RAD51B: variants seen among roughly 807,000 people sequenced by gnomAD.
RAD51B encodes RAD51 paralog B.
In RAD51B, 38 loss-of-function variants were observed where a neutral mutation model predicts 42.2. That is an observed-to-expected ratio of 0.90 (90% CI 0.70 to 1.18). The LOEUF (loss-of-function observed/expected upper bound fraction) is 1.18, where lower values mean the gene tolerates loss of function less well. Among genes scored for constraint, RAD51B ranks in the 50% most tolerant of loss-of-function variants. The pLI is 0.00. For missense variants in RAD51B, 373 were observed against 400.7 expected (o/e 0.93, Z 0.59); for synonymous variants, 154 against 145.2 (o/e 1.06, Z -0.43).
intron 11 of RAD51B, among the ~76,000 whole-genome samples, chr14:68,677,193 C>G (rs1485154825): frequency 4.6e-5 from 7 of 152,102 alleles, no homozygotes; most frequent in African/African-American, 1.7e-4. Context: ...TTTAAAATAT[C>G]AAGCAGAATG....
At chr14:68,388,699 C>CA (rs1405735315) in intron 8 of RAD51B, among the ~76,000 whole-genome samples, 1 of 152,164 alleles carries the variant, frequency 6.6e-6, no homozygotes, top group Non-Finnish European at 1.5e-5. Context: ...GGTGAGGATA[C>CA]AAAGTCCCTG....
intron 10 of RAD51B, chr14:68,468,566 T>C (rs1249529716): frequency 2.6e-6 from 1 of 384,782 alleles, no homozygotes; most frequent in Non-Finnish European, 5.0e-6. Flanking sequence ...TCCTATGGCA[T>C]GAAGTGGGCA....
At position 68,320,678 on chromosome 14, in the gene RAD51B, C is replaced by T. The variant is rs558213246; in HGVS notation, c.853+28698C>T. Among the ~76,000 whole-genome samples, 4 of 152,342 alleles carry T rather than the reference C, an allele frequency of 2.6e-5. No individual in the cohort carries two copies. In the East Asian group the frequency reaches 7.7e-4, roughly 29 times the overall value. On this transcript the variant is annotated intron_variant, in intron 8 of 10. Coordinates refer to ENST00000471583, the MANE Select transcript of RAD51B (RefSeq NM_133510.4). ...CAACACATATTCCTTCTGGCTCACT[C>T]CCTCTATAAAATGATTTGTCAGCAT...
In RAD51B at chr14:67,981,209, G is replaced by T. The variant is rs138212731; in HGVS notation, c.756+94005G>T. On this transcript the variant is annotated intron_variant, in intron 7 of 10. Coordinates refer to ENST00000471583, the MANE Select transcript of RAD51B (RefSeq NM_133510.4). ...TTGTTAGGGAAATGAAAAGTGTACT[G>T]CAATACCACATCAAATATTACTTCC... is the stretch of plus-strand genomic sequence containing the variant. Among the ~76,000 whole-genome samples, 446 of 152,122 alleles carry T rather than the reference G, an allele frequency of 2.9e-3. 4 individuals are homozygous for T. The highest frequency in any genetic ancestry group is 9.6e-3 in the African/African-American group (398 of 41,490).
chr14:68,612,528 T>C (rs1891717089), downstream of RAD51B, among the ~76,000 whole-genome samples: 1 of 152,166 alleles, frequency 6.6e-6, no homozygotes, highest in African/African-American at 2.4e-5. Flanking sequence ...GGACAAATAT[T>C]GTGTGATTCC....
At chr14:68,190,384 C>G (rs2079240660) in intron 7 of RAD51B, among the ~76,000 whole-genome samples, 1 of 152,046 alleles carries the variant, frequency 6.6e-6, no homozygotes. Context: ...TATATGGAAA[C>G]AGATTTTTAA....
chr14:68,544,867 T>A (rs1173696934), intron 10 of RAD51B, among the ~76,000 whole-genome samples: 2 of 152,180 alleles, frequency 1.3e-5, no homozygotes, highest in African/African-American at 4.8e-5. Context: ...CTTCCTCCCA[T>A]CCTGCCAAAG....
At chr14:68,262,610 G>T (rs2080912015) in intron 7 of RAD51B, among the ~76,000 whole-genome samples, 1 of 152,132 alleles carries the variant, frequency 6.6e-6, no homozygotes, top group East Asian at 1.9e-4. Context: ...ATCTCCCTGG[G>T]TTGGAATTTT....
intron 9 of RAD51B, among the ~76,000 whole-genome samples, chr14:68,416,521 A>G (rs138300422): frequency 2.0e-5 from 3 of 152,380 alleles, no homozygotes; most frequent in African/African-American, 7.2e-5. Context: ...CACTCCCTGT[A>G]GCTACTCGTG....
At chr14:67,876,294 T>C (rs1357878590) in intron 5 of RAD51B, among the ~76,000 whole-genome samples, 1 of 152,206 alleles carries the variant, frequency 6.6e-6, no homozygotes, top group Non-Finnish European at 1.5e-5. Context: ...ACTAAGATTT[T>C]GGAAAACTTT....
chr14:68,374,662 A>G (rs2083329481), intron 8 of RAD51B, among the ~76,000 whole-genome samples: 1 of 151,272 alleles, frequency 6.6e-6, no homozygotes, highest in Non-Finnish European at 1.5e-5. Context: ...AGAGATGGCA[A>G]TTTATCTTAA....
intron 10 of RAD51B, among the ~76,000 whole-genome samples, chr14:68,566,229 G>A (rs1013816693): frequency 1.3e-5 from 2 of 152,196 alleles, no homozygotes; most frequent in Non-Finnish European, 2.9e-5. Flanking sequence ...TGTCCTCAGA[G>A]TCTACAAGTA....
At chr14:68,293,217 G>A (rs907914927) in intron 8 of RAD51B, among the ~76,000 whole-genome samples, 8 of 151,928 alleles carry the variant, frequency 5.3e-5, no homozygotes, top group African/African-American at 1.9e-4. Flanking sequence ...TCTTAGAATA[G>A]TTTTTTTTGT....
intron 2 of RAD51B, 125 bp downstream of exon 2, chr14:67,823,752 T>A: frequency 1.5e-6 from 1 of 689,518 alleles, no homozygotes; most frequent in Non-Finnish European, 2.3e-6. Flanking sequence ...ATGGTGCTTT[T>A]CCATAGGCTA....
chr14:68,659,223 C>T (rs1024203296), intron 11 of RAD51B, among the ~76,000 whole-genome samples: 1 of 152,206 alleles, frequency 6.6e-6, no homozygotes, highest in African/African-American at 2.4e-5. Flanking sequence ...TGCCTGGGGA[C>T]GTGAGGCCCT....
intron 4 of RAD51B, among the ~76,000 whole-genome samples, chr14:67,844,489 C>T (rs571421213): frequency 1.0e-3 from 153 of 151,712 alleles, no homozygotes; most frequent in Non-Finnish European, 1.7e-3. Flanking sequence ...CTTCATAAGT[C>T]TTTAAGAACT....
intron 7 of RAD51B, among the ~76,000 whole-genome samples, chr14:68,089,482 G>A (rs1292385551): frequency 1.3e-5 from 2 of 152,160 alleles, no homozygotes; most frequent in African/African-American, 2.4e-5. Flanking sequence ...CTGGCACAGG[G>A]TTGAGACTAG....
At chr14:68,329,710 G>C (rs1043161611) in intron 8 of RAD51B, among the ~76,000 whole-genome samples, 1 of 152,058 alleles carries the variant, frequency 6.6e-6, no homozygotes, top group African/African-American at 2.4e-5. Context: ...GGCCGGGCCC[G>C]GTGGCTCACG....
At chr14:68,451,223 A>G (rs1955656055) in intron 9 of RAD51B, among the ~76,000 whole-genome samples, 1 of 152,204 alleles carries the variant, frequency 6.6e-6, no homozygotes. Flanking sequence ...GGTTGCTATC[A>G]AGCTCTTCCT....
Sources: gnomAD v4.1 joint callset for allele counts (sites outside exome capture counted in the v4.1 genomes callset) on GRCh38, gnomAD v4.1.1 for gene constraint, MANE v1.5 for transcripts, NCBI Gene and HGNC (gene_info 2026-07-23, HGNC 2026-07-21) for gene names.